TBC1D22B: variants seen among roughly 807,000 people sequenced by gnomAD.
The protein encoded by TBC1D22B is TBC1 domain family member 22B.
In TBC1D22B, 32 loss-of-function variants were observed where a neutral mutation model predicts 69.1. That is an observed-to-expected ratio of 0.46 (90% CI 0.35 to 0.62). The LOEUF (loss-of-function observed/expected upper bound fraction) is 0.62. Among genes scored for constraint, TBC1D22B ranks in the 20% least tolerant of loss-of-function variants. TBC1D22B has a pLI of 0.00. For synonymous variants in TBC1D22B, 206 were observed against 229.8 expected (o/e 0.90, Z 0.94); for missense variants, 462 against 630.9 (o/e 0.73, Z 2.87).
At chr6:37,293,386 A>G (rs1335848870) in intron 8 of TBC1D22B, among the ~76,000 whole-genome samples, 3 of 152,082 alleles carry the variant, frequency 2.0e-5, no homozygotes, top group African/African-American at 7.2e-5. Context: ...CCAACTTTAC[A>G]TTATTATTAT....
chr6:37,261,944 A>AGTGTGTGT lies in TBC1D22B; in HGVS notation c.56+4016_56+4023dup, dbSNP rs70977641. ...GGGGAAAAATAAAAAAGCTTTGGTC[A>AGTGTGTGT]GTGTGTGTGTGTGTGTGTGTGTGTG... On this transcript the variant is annotated intron_variant, in intron 1 of 12. Coordinates refer to ENST00000373491, the MANE Select transcript of TBC1D22B (RefSeq NM_017772.4). Among the ~76,000 whole-genome samples the AGTGTGTGT allele has an allele frequency of 2.8e-4, 33 of 118,820 alleles. 1 individual carries two copies. Among genetic ancestry groups the AGTGTGTGT allele is most frequent in the Non-Finnish European group, 4.2e-4 (25 of 59,424 alleles). 78.0% of individuals were successfully genotyped at this position (118,820 alleles called of 152,430 possible).
At chr6:37,325,228 A>G (rs997385135) in intron 12 of TBC1D22B, among the ~76,000 whole-genome samples, 1 of 152,008 alleles carries the variant, frequency 6.6e-6, no homozygotes, top group African/African-American at 2.4e-5. Context: ...TTCCTGTGTG[A>G]ATTTTCAGCA....
At chr6:37,319,950 G>A (rs922725895) in intron 12 of TBC1D22B, among the ~76,000 whole-genome samples, 1 of 152,218 alleles carries the variant, frequency 6.6e-6, no homozygotes, top group Non-Finnish European at 1.5e-5. Flanking sequence ...TGAAATCACT[G>A]TGAAGGAAGC....
chr6:37,313,499 A>C (rs962475295), intron 9 of TBC1D22B, among the ~76,000 whole-genome samples: 34 of 152,094 alleles, frequency 2.2e-4, no homozygotes, highest in Admixed American at 7.8e-4. Context: ...CAAAAAAAAA[A>C]AAAACAAAAC....
chr6:37,313,614 G>A (rs528535945), intron 9 of TBC1D22B, among the ~76,000 whole-genome samples: 1 of 152,354 alleles, frequency 6.6e-6, no homozygotes, highest in African/African-American at 2.4e-5. Flanking sequence ...AAGCACATGG[G>A]TTTGCTTCCA....
At chr6:37,264,255 A>G (rs1766199642) in intron 1 of TBC1D22B, among the ~76,000 whole-genome samples, 1 of 152,204 alleles carries the variant, frequency 6.6e-6, no homozygotes, top group African/African-American at 2.4e-5. Flanking sequence ...TGCCAGATCC[A>G]ATAGAGTGGC....
intron 6 of TBC1D22B, among the ~76,000 whole-genome samples, chr6:37,285,570 C>G (rs1370407605): frequency 6.6e-6 from 1 of 151,982 alleles, no homozygotes; most frequent in Non-Finnish European, 1.5e-5. Flanking sequence ...TCGGCTTGCT[C>G]CAGCCTTTGT....
chr6:37,267,296 G>A (rs1200654300), intron 1 of TBC1D22B, among the ~76,000 whole-genome samples: 2 of 122,504 alleles, frequency 1.6e-5, no homozygotes, highest in African/African-American at 6.5e-5. Context: ...TGCTTTTGAG[G>A]GGAGGACATA....
intron 11 of TBC1D22B, 50 bp downstream of exon 11, chr6:37,316,880 C>A: frequency 1.2e-6 from 2 of 1,611,434 alleles, no homozygotes; most frequent in South Asian, 1.1e-5. Context: ...CTGAGGTGTC[C>A]AGCTCTCTGC....
At chr6:37,327,305 C>T (rs867838018) in intron 12 of TBC1D22B, among the ~76,000 whole-genome samples, 13 of 135,858 alleles carry the variant, frequency 9.6e-5, no homozygotes, top group South Asian at 2.3e-4. Flanking sequence ...GGTGAAACCC[C>T]GTCTCTACTA....
intron 8 of TBC1D22B, among the ~76,000 whole-genome samples, chr6:37,296,418 T>C (rs543068501): frequency 7.2e-5 from 11 of 152,082 alleles, no homozygotes; most frequent in African/African-American, 2.7e-4. Flanking sequence ...GGCATGATCA[T>C]GGCTCATTGT....
intron 2 of TBC1D22B, among the ~76,000 whole-genome samples, chr6:37,272,971 A>C (rs533674158): frequency 6.6e-6 from 1 of 152,296 alleles, no homozygotes; most frequent in East Asian, 1.9e-4. Flanking sequence ...AATCCCAGTG[A>C]CTGGCATAGA....
intron 8 of TBC1D22B, among the ~76,000 whole-genome samples, chr6:37,298,753 G>A (rs1767471979): frequency 6.6e-6 from 1 of 151,996 alleles, no homozygotes; most frequent in Non-Finnish European, 1.5e-5. Flanking sequence ...CACCATGTTA[G>A]CCAGGATGGT....
At chr6:37,317,238 A>G (rs1562066172) in intron 12 of TBC1D22B, 32 bp downstream of exon 12, 37 of 1,546,006 alleles carry the variant, frequency 2.4e-5, no homozygotes, top group Non-Finnish European at 3.1e-5. Context: ...GTGGGCAGGG[A>G]ATGAACATTA....
chr6:37,316,218 G>A (rs1245924286), intron 10 of TBC1D22B, among the ~76,000 whole-genome samples: 2 of 152,208 alleles, frequency 1.3e-5, no homozygotes, highest in Non-Finnish European at 2.9e-5. Context: ...TACATCAGTG[G>A]AAGAGGCTTC....
intron 1 of TBC1D22B, among the ~76,000 whole-genome samples, chr6:37,259,346 C>T (rs1765986647): frequency 6.6e-6 from 1 of 152,144 alleles, no homozygotes; most frequent in African/African-American, 2.4e-5. Context: ...CACTTCCTGC[C>T]AACTGATTCC....
intron 3 of TBC1D22B, among the ~76,000 whole-genome samples, chr6:37,281,000 T>C (rs1407949080): frequency 2.6e-5 from 4 of 152,274 alleles, no homozygotes; most frequent in Admixed American, 1.3e-4. Context: ...CTCGTGGAAG[T>C]TGTTTTTGTA....
In TBC1D22B at chr6:37,283,395, G is replaced by A. The variant is rs141683844; in HGVS notation, c.672+443G>A. 5.8e-4 allele frequency among the ~76,000 whole-genome samples: 88 copies of A among 152,280 alleles called. 2 individuals are homozygous for A. The highest frequency in any genetic ancestry group is 1.9e-3 in the African/African-American group (79 of 41,540). ...CCAAGTACAGAGCACTGTGCCAGCCGCTATGATAGAAACACTTGGGTTTCC... is the reference window on the plus strand; with the variant it reads ...CCAAGTACAGAGCACTGTGCCAGCCACTATGATAGAAACACTTGGGTTTCC... On this transcript the variant is annotated intron_variant, in intron 5 of 12. Transcript: ENST00000373491.
At chr6:37,320,196 T>C (rs1768199299) in intron 12 of TBC1D22B, among the ~76,000 whole-genome samples, 1 of 152,158 alleles carries the variant, frequency 6.6e-6, no homozygotes, top group Non-Finnish European at 1.5e-5. Flanking sequence ...GAAGCAGATA[T>C]CTTCCTGTCA....
Sources: allele counts gnomAD v4.1 joint callset (sites outside exome capture counted in the v4.1 genomes callset), GRCh38; gene constraint gnomAD v4.1.1; transcripts MANE v1.5; gene names NCBI Gene and HGNC (gene_info 2026-07-23, HGNC 2026-07-21).